Variants in WSCD1 observed in about 807,000 individuals in gnomAD.
The protein encoded by WSCD1 is sialate:O-sulfotransferase 1.
A neutral mutation model predicts 60.4 loss-of-function variants in WSCD1; 41 were observed. The ratio of observed to expected loss-of-function variants is 0.68; its 90% CI spans 0.53 to 0.88. The LOEUF (loss-of-function observed/expected upper bound fraction) is 0.88, where lower values mean the gene tolerates loss of function less well. Among genes scored for constraint, WSCD1 ranks in the 40% least tolerant of loss-of-function variants. WSCD1 has a pLI of 0.00. For synonymous variants in WSCD1, 361 were observed against 332.5 expected (o/e 1.09, Z -0.93); for missense variants, 784 against 796.2 (o/e 0.98, Z 0.18).
chr17:6,069,296 TG>T (rs1374624338), upstream of WSCD1: 2 of 398,672 alleles, frequency 5.0e-6, no homozygotes, highest in Non-Finnish European at 8.8e-6. Flanking sequence ...GGCTCCTCCC[TG>T]GGAAAAATCT....
At chr17:6,103,569 A>G (rs1910925435) in intron 5 of WSCD1, among the ~76,000 whole-genome samples, 2 of 152,186 alleles carry the variant, frequency 1.3e-5, no homozygotes, top group African/African-American at 2.4e-5. Flanking sequence ...CCCTGGAGAC[A>G]TCCCACATCC....
At chr17:6,091,933 A>G (rs999573347) in intron 4 of WSCD1, among the ~76,000 whole-genome samples, 43 of 152,176 alleles carry the variant, frequency 2.8e-4, no homozygotes, top group African/African-American at 7.5e-4. Context: ...AAGGCGGGCG[A>G]ATCATGAGGT....
At position 6,122,963 on chromosome 17, in the gene WSCD1, G is replaced by A. The variant is rs1031083985; in HGVS notation, c.*2302G>A. On this transcript the variant is annotated 3_prime_UTR_variant, in exon 9 of 9. Coordinates refer to ENST00000317744, the MANE Select transcript of WSCD1 (RefSeq NM_015253.2). ...ATGTTGATGAGCAAGGAAGAGCAAC[G>A]GCCCTGTCAGCTGGCAGTGGTCCTC... 1 of 152,208 alleles carries A rather than the reference G, an allele frequency of 6.6e-6. No individual in the cohort carries two copies. Among genetic ancestry groups the A allele is most frequent in the Admixed American group, 6.5e-5 (1 of 15,284 alleles). The allele number at this position is 152,208 out of a possible 1,614,324, so 9.4% of individuals were successfully genotyped here. A position where few individuals can be genotyped will look rare whatever the true frequency, so the allele number is the denominator to read the frequency against.
intron 1 of WSCD1, among the ~76,000 whole-genome samples, chr17:6,079,410 C>G (rs1237077043): frequency 6.6e-6 from 1 of 152,240 alleles, no homozygotes; most frequent in Non-Finnish European, 1.5e-5. Context: ...CTCCCAACCC[C>G]AACAGCACAC....
At chr17:6,088,201 T>C in intron 3 of WSCD1, 97 bp downstream of exon 3, 1 of 1,055,784 alleles carries the variant, frequency 9.5e-7, no homozygotes, top group Non-Finnish European at 1.4e-6. Flanking sequence ...TTGGCTGTCA[T>C]AGCATAATTG....
intron 5 of WSCD1, among the ~76,000 whole-genome samples, chr17:6,109,298 T>C (rs1198113722): frequency 6.6e-6 from 1 of 152,192 alleles, no homozygotes; most frequent in Non-Finnish European, 1.5e-5. Context: ...GCCCCCTGCT[T>C]TCTGCACGTC....
chr17:6,085,413 T>A (rs188320182), intron 2 of WSCD1, among the ~76,000 whole-genome samples: 1 of 151,532 alleles, frequency 6.6e-6, no homozygotes, highest in East Asian at 1.9e-4. Flanking sequence ...GTATTAGACA[T>A]TTTACATGTG....
intron 2 of WSCD1, among the ~76,000 whole-genome samples, chr17:6,087,552 C>A (rs1909737047): frequency 6.6e-6 from 1 of 152,218 alleles, no homozygotes; most frequent in Non-Finnish European, 1.5e-5. Flanking sequence ...TAACTGATTT[C>A]TTCTCTCTGG....
Position 6,108,414 on chromosome 17 carries a change from TC to T in WSCD1, c.850-1191del, listed in dbSNP as rs1347320034. On this transcript the variant is annotated intron_variant, in intron 5 of 8. Transcript: ENST00000317744. ...CTCTCATCTCTCTACGCTCCAAAAG[TC>T]CTAGCATCTCCCGACTGTAGGATGC... is the stretch of plus-strand genomic sequence containing the variant. Among the ~76,000 whole-genome samples, 3 of 152,186 alleles carry T rather than the reference TC, an allele frequency of 2.0e-5. No homozygotes were observed. The East Asian group carries it at 5.8e-4, about 29-fold the overall frequency.
intron 4 of WSCD1, among the ~76,000 whole-genome samples, chr17:6,094,063 A>C (rs984594312): frequency 1.3e-5 from 2 of 152,156 alleles, no homozygotes; most frequent in Non-Finnish European, 2.9e-5. Context: ...GCCAGGGGAG[A>C]TACTGAGCCC....
At chr17:6,079,288 C>T (rs546559955) in intron 1 of WSCD1, among the ~76,000 whole-genome samples, 25 of 152,330 alleles carry the variant, frequency 1.6e-4, no homozygotes, top group South Asian at 4.2e-4. Flanking sequence ...AAGTTAGTTA[C>T]GGGCAGTGGC....
intron 5 of WSCD1, 39 bp downstream of exon 5, chr17:6,095,262 G>A: frequency 6.3e-7 from 1 of 1,592,976 alleles, no homozygotes; most frequent in South Asian, 1.1e-5. Context: ...TTTCCTTTAA[G>A]TGTGTGTGGT....
intron 3 of WSCD1, 116 bp from the exon 4 acceptor site, chr17:6,090,205 A>G (rs1326302042): frequency 1.3e-5 from 14 of 1,089,462 alleles, no homozygotes; most frequent in Non-Finnish European, 1.3e-5. Flanking sequence ...AATTAAAACA[A>G]AAAACAAAAA....
At position 6,109,740 on chromosome 17, in the gene WSCD1, G is replaced by C. The variant is rs1041324876; in HGVS notation, c.983G>C (p.Cys328Ser). Reference sequence around the variant, plus strand: ...GAGGCACAGAGGCTGGCAGAATACTGTGAGGTCTACCAGACACCTGTGCAA... The same window carrying C: ...GAGGCACAGAGGCTGGCAGAATACTCTGAGGTCTACCAGACACCTGTGCAA... The part of the protein sequence containing the change: ...DPEAQRLAEY[C>S]EVYQTPVQDT... The change falls in exon 6 of 9, where the codon TGT becomes TCT. Residue 328 changes from cysteine to serine, a missense_variant. Transcript: ENST00000317744. The C allele has an allele frequency of 1.4e-5, 23 of 1,613,938 alleles. No individual in the cohort carries two copies. The highest frequency in any genetic ancestry group is 1.9e-5 in the Non-Finnish European group (22 of 1,179,932).
chr17:6,090,277 G>C (rs1336277033), intron 3 of WSCD1, 44 bp from the exon 4 acceptor site: 1 of 1,516,718 alleles, frequency 6.6e-7, no homozygotes, highest in Non-Finnish European at 8.8e-7. Context: ...CGCAGCCCTA[G>C]CTCTGGGCCA....
chr17:6,069,776 T>G (rs1908408733), upstream of WSCD1, among the ~76,000 whole-genome samples: 1 of 84,176 alleles, frequency 1.2e-5, no homozygotes, highest in Admixed American at 1.2e-4. Flanking sequence ...GGTGATCCGG[T>G]GTGTGTGTGT....
rs141054680 is a variant in WSCD1, at chr17:6,103,739, A to G, written c.850-5868A>G. 3.8e-3 allele frequency among the ~76,000 whole-genome samples: 578 copies of G among 152,232 alleles called. 2 individuals carry two copies. The highest frequency in any genetic ancestry group is 0.013 in the African/African-American group (552 of 41,526). On this transcript the variant is annotated intron_variant, in intron 5 of 8. Coordinates refer to ENST00000317744, the MANE Select transcript of WSCD1 (RefSeq NM_015253.2). ...TGTACTCTTTTTGTGGAGAAAAGTG[A>G]ATGCTGTGGGGGTGGGAGGAAGCCC...
At position 6,075,090 on chromosome 17, in the gene WSCD1, C is replaced by T. The variant is rs1302039358; in HGVS notation, c.-289+4438C>T. Among the ~76,000 whole-genome samples, 1 of 152,150 alleles carries T rather than the reference C, an allele frequency of 6.6e-6. No individual in the cohort carries two copies. The highest frequency in any genetic ancestry group is 1.5e-5 in the Non-Finnish European group (1 of 68,018). On this transcript the variant is annotated intron_variant, in intron 1 of 8. Transcript: ENST00000317744. The surrounding 1 kb of genome is among the most constrained non-coding windows in gnomAD (Gnocchi z 4.1). ...GCTGAGGCTTCGAGCTTCTAGGACC[C>T]AGATGCCCATCACCTTGTCTAGAGA...
chr17:6,109,846 A>G, intron 6 of WSCD1, 80 bp downstream of exon 6: 1 of 1,542,146 alleles, frequency 6.5e-7, no homozygotes, highest in Non-Finnish European at 8.8e-7. Context: ...GATGCCAGTC[A>G]TGGCCAAGCA....
Sources: allele counts gnomAD v4.1 joint callset (sites outside exome capture counted in the v4.1 genomes callset), GRCh38; gene constraint gnomAD v4.1.1; non-coding constraint Gnocchi (gnomAD v3.1); transcripts MANE v1.5; gene names NCBI Gene and HGNC (gene_info 2026-07-23, HGNC 2026-07-21).